The following CHCHD6 variants were observed in gnomAD, a reference collection of about 807,000 sequenced individuals.
CHCHD6 encodes the protein MICOS complex subunit MIC25.
A neutral mutation model predicts 32.3 loss-of-function variants in CHCHD6; 28 were observed. That is an observed-to-expected ratio of 0.87 (90% confidence interval 0.64 to 1.19). The LOEUF (loss-of-function observed/expected upper bound fraction) is 1.19. Ranked by LOEUF, CHCHD6 falls within the 50% of genes most tolerant of loss-of-function variation. The probability of loss-of-function intolerance (pLI) is 0.00; values close to 1 mark genes in which losing one functional copy is unlikely to be tolerated. For missense variants in CHCHD6, 333 were observed against 307.0 expected (o/e 1.08, Z -0.63); for synonymous variants, 122 against 117.5 (o/e 1.04, Z -0.25).
chr3:126,843,862 T>C (rs1288894437), intron 4 of CHCHD6, among the ~76,000 whole-genome samples: 2 of 152,224 alleles, frequency 1.3e-5, no homozygotes, highest in African/African-American at 4.8e-5. Context: ...CTTCCATTTA[T>C]ATCATTATGT....
chr3:126,713,921 C>T (rs959195716), intron 1 of CHCHD6, among the ~76,000 whole-genome samples: 10 of 151,324 alleles, frequency 6.6e-5, no homozygotes, highest in Admixed American at 3.9e-4. Context: ...ACTAAAAATA[C>T]AAAAAGTTAG....
chr3:126,745,567 G>A (rs968199790), intron 4 of CHCHD6, among the ~76,000 whole-genome samples: 5 of 152,162 alleles, frequency 3.3e-5, no homozygotes, highest in African/African-American at 4.8e-5. Flanking sequence ...AGTGGGTAGT[G>A]ATTTTCCACC....
chr3:126,860,838 A>T (rs1204793070), intron 5 of CHCHD6, among the ~76,000 whole-genome samples: 2 of 152,190 alleles, frequency 1.3e-5, no homozygotes, highest in Non-Finnish European at 2.9e-5. Context: ...GATAAATGTG[A>T]TCAATGAGAC....
intron 4 of CHCHD6, among the ~76,000 whole-genome samples, chr3:126,737,134 A>C (rs528626428): frequency 2.0e-5 from 3 of 152,174 alleles, no homozygotes; most frequent in African/African-American, 7.2e-5. Flanking sequence ...CAGCCTGACC[A>C]ACATGGTGAA....
chr3:126,816,408 T>A (rs1939900901), intron 4 of CHCHD6, among the ~76,000 whole-genome samples: 1 of 152,218 alleles, frequency 6.6e-6, no homozygotes. Flanking sequence ...TGTGATGAAC[T>A]GGCTTTCTCA....
At chr3:126,865,152 T>TCCTCCTCCTCCTCCTCCA (rs1576523998) in intron 5 of CHCHD6, among the ~76,000 whole-genome samples, 1 of 47,206 alleles carries the variant, frequency 2.1e-5, no homozygotes, top group Non-Finnish European at 5.9e-5. Flanking sequence ...CACCTCCTTT[T>TCCTCCTCCTCCTCCTCCA]CCACCACCTC....
chr3:126,824,198 C>T (rs1041274553), intron 4 of CHCHD6, among the ~76,000 whole-genome samples: 2 of 151,848 alleles, frequency 1.3e-5, no homozygotes, highest in African/African-American at 4.8e-5. Context: ...TTTTTAGATA[C>T]TCTATCGAAT....
At chr3:126,796,789 GTT>G (rs1042322953) in intron 4 of CHCHD6, among the ~76,000 whole-genome samples, 29 of 152,226 alleles carry the variant, frequency 1.9e-4, no homozygotes, top group African/African-American at 5.8e-4. Context: ...ACTTGGGAGG[GTT>G]TTTATTTAGG....
chr3:126,786,852 G>T (rs1006451729), intron 4 of CHCHD6, among the ~76,000 whole-genome samples: 6 of 151,872 alleles, frequency 4.0e-5, no homozygotes, highest in South Asian at 2.1e-4. Flanking sequence ...GTCAATTTTG[G>T]CTTTTGTTGC....
intron 6 of CHCHD6, among the ~76,000 whole-genome samples, chr3:126,947,310 C>A (rs924512445): frequency 2.0e-5 from 3 of 152,256 alleles, no homozygotes; most frequent in African/African-American, 7.2e-5. Flanking sequence ...CACTTTCCTC[C>A]CTGTGGCTCC....
chr3:126,751,143 GTTA>G (rs1318365996), intron 4 of CHCHD6, among the ~76,000 whole-genome samples: 1 of 147,348 alleles, frequency 6.8e-6, no homozygotes, highest in African/African-American at 2.5e-5. Flanking sequence ...CTGGGGGACT[GTTA>G]TTTTTTTTTT....
chr3:126,889,405 T>G (rs1396755857), intron 5 of CHCHD6, among the ~76,000 whole-genome samples: 1 of 152,172 alleles, frequency 6.6e-6, no homozygotes, highest in African/African-American at 2.4e-5. Flanking sequence ...CACCAGTCAC[T>G]TCCATGCTAT....
chr3:126,931,011 C>T (rs2107598470), intron 6 of CHCHD6, among the ~76,000 whole-genome samples: 1 of 152,378 alleles, frequency 6.6e-6, no homozygotes, highest in Admixed American at 6.5e-5. Flanking sequence ...CGTCCCGCTG[C>T]ACTCCCTACT....
chr3:126,852,505 T>G (rs1941507355), intron 4 of CHCHD6, 142 bp from the exon 5 acceptor site: 1 of 619,868 alleles, frequency 1.6e-6, no homozygotes, highest in African/African-American at 1.8e-5. Context: ...GTGAATGATC[T>G]GGCATATCAT....
intron 6 of CHCHD6, among the ~76,000 whole-genome samples, chr3:126,953,498 C>T (rs1210726322): frequency 1.3e-5 from 2 of 152,214 alleles, no homozygotes; most frequent in Admixed American, 1.3e-4. Flanking sequence ...AGCCTTTCTG[C>T]AAGCTCACCC....
At chr3:126,760,898 A>G (rs756054144) in intron 4 of CHCHD6, among the ~76,000 whole-genome samples, 6 of 152,184 alleles carry the variant, frequency 3.9e-5, no homozygotes, top group African/African-American at 4.8e-5. Flanking sequence ...CAGTGGCACA[A>G]TCATAGCTCA....
At chr3:126,820,781 CCAGTAATGTACTCCA>C (rs1433322237) in intron 4 of CHCHD6, among the ~76,000 whole-genome samples, 15 of 152,312 alleles carry the variant, frequency 9.8e-5, no homozygotes, top group South Asian at 4.1e-4. Context: ...TACTTTCCCT[CCAGTAATGTACTCCA>C]CATTCCTACC....
chr3:126,772,404 C>T (rs953899505), intron 4 of CHCHD6, among the ~76,000 whole-genome samples: 14 of 152,258 alleles, frequency 9.2e-5, no homozygotes, highest in Non-Finnish European at 1.5e-4. Flanking sequence ...AAGAACTTCC[C>T]TTATGAACCT....
At chr3:126,716,859 C>T (rs537421059) in intron 1 of CHCHD6, among the ~76,000 whole-genome samples, 8 of 152,222 alleles carry the variant, frequency 5.3e-5, no homozygotes, top group East Asian at 1.9e-4. Flanking sequence ...CGGGGAAATG[C>T]GTGCAGTCCC....
Sources: allele counts gnomAD v4.1 joint callset (sites outside exome capture counted in the v4.1 genomes callset), GRCh38; gene constraint gnomAD v4.1.1; transcripts MANE v1.5; gene names NCBI Gene and HGNC (gene_info 2026-07-23, HGNC 2026-07-21).